UBE2E2: variants seen among roughly 807,000 people sequenced by gnomAD.
UBE2E2 encodes the protein ubiquitin conjugating enzyme E2 E2, also known as ubiquitin-conjugating enzyme E2 E2.
UBE2E2 carries 6 observed loss-of-function variants against 24.7 expected under a neutral mutation model. That is an observed-to-expected ratio of 0.24 (90% CI 0.13 to 0.48). The LOEUF (loss-of-function observed/expected upper bound fraction) is 0.48, where lower values mean the gene tolerates loss of function less well. UBE2E2 is among the 20% of genes least tolerant of loss of function. The pLI is 0.99. For missense variants in UBE2E2, 169 were observed against 245.0 expected, an observed-to-expected ratio of 0.69 and a Z score of 2.07; for synonymous variants, 104 against 83.6, an observed-to-expected ratio of 1.24 and a Z score of -1.33.
At chr3:23,439,806 G>A (rs1169773176) in intron 3 of UBE2E2, among the ~76,000 whole-genome samples, 1 of 152,102 alleles carries the variant, frequency 6.6e-6, no homozygotes, top group Non-Finnish European at 1.5e-5. Flanking sequence ...CAATCCAGAT[G>A]TATAACTAAA....
chr3:23,368,980 G>A (rs1696331444), intron 3 of UBE2E2, among the ~76,000 whole-genome samples: 1 of 152,134 alleles, frequency 6.6e-6, no homozygotes, highest in African/African-American at 2.4e-5. Flanking sequence ...TCAGGTTGCA[G>A]CTTTGGTATG....
At chr3:23,500,175 A>G (rs185380527) in intron 4 of UBE2E2, among the ~76,000 whole-genome samples, 1 of 152,332 alleles carries the variant, frequency 6.6e-6, no homozygotes, top group African/African-American at 2.4e-5. Flanking sequence ...AGCACCAGCT[A>G]TGGAGGTTTG....
chr3:23,228,684 A>T (rs1302501782), intron 3 of UBE2E2, among the ~76,000 whole-genome samples: 1 of 152,214 alleles, frequency 6.6e-6, no homozygotes, highest in Non-Finnish European at 1.5e-5. Flanking sequence ...ATAAATGTTC[A>T]TTTAGAACTG....
intron 3 of UBE2E2, among the ~76,000 whole-genome samples, chr3:23,269,975 C>G (rs973196738): frequency 6.6e-6 from 1 of 152,090 alleles, no homozygotes; most frequent in African/African-American, 2.4e-5. Flanking sequence ...CCTTGAAAAT[C>G]TTGGTTTAGA....
At chr3:23,290,191 G>A (rs1698725373) in intron 3 of UBE2E2, among the ~76,000 whole-genome samples, 1 of 152,194 alleles carries the variant, frequency 6.6e-6, no homozygotes, top group African/African-American at 2.4e-5. Flanking sequence ...AGTTAGATTG[G>A]TAACTATGAG....
chr3:23,534,415 A>G (rs1004708860), intron 5 of UBE2E2: 7 of 168,296 alleles, frequency 4.2e-5, no homozygotes, highest in Non-Finnish European at 7.2e-5. Flanking sequence ...AGAACCACAT[A>G]AGTAAAAGAA....
intron 4 of UBE2E2, among the ~76,000 whole-genome samples, chr3:23,510,040 G>A (rs1694555204): frequency 6.6e-6 from 1 of 152,162 alleles, no homozygotes; most frequent in African/African-American, 2.4e-5. Flanking sequence ...ATAAACATAC[G>A]ATTTTTTCTT....
intron 3 of UBE2E2, among the ~76,000 whole-genome samples, chr3:23,412,208 G>A (rs997644529): frequency 2.0e-5 from 3 of 152,072 alleles, no homozygotes; most frequent in Non-Finnish European, 2.9e-5. Context: ...GACCATAGTC[G>A]ATGAAATGCA....
chr3:23,513,291 G>A (rs1694649843), intron 4 of UBE2E2, among the ~76,000 whole-genome samples: 1 of 152,114 alleles, frequency 6.6e-6, no homozygotes, highest in Non-Finnish European at 1.5e-5. Flanking sequence ...AAGGTATGCA[G>A]TCCTCCTCAT....
intron 3 of UBE2E2, among the ~76,000 whole-genome samples, chr3:23,266,735 A>T (rs1032768136): frequency 6.6e-6 from 1 of 152,182 alleles, no homozygotes; most frequent in African/African-American, 2.4e-5. Flanking sequence ...CTCCACCCCA[A>T]ATCAACAGAA....
At chr3:23,482,954 TAA>T (rs1699288220) in intron 3 of UBE2E2, among the ~76,000 whole-genome samples, 1 of 152,242 alleles carries the variant, frequency 6.6e-6, no homozygotes, top group Non-Finnish European at 1.5e-5. Flanking sequence ...GTTTAATTGC[TAA>T]GTGTTTAGGA....
intron 3 of UBE2E2, among the ~76,000 whole-genome samples, chr3:23,309,199 T>C (rs1699312186): frequency 6.6e-6 from 1 of 152,154 alleles, no homozygotes; most frequent in Non-Finnish European, 1.5e-5. Flanking sequence ...GGCTGGTCTC[T>C]AACTCCAGGC....
intron 3 of UBE2E2, among the ~76,000 whole-genome samples, chr3:23,285,647 A>G (rs1397881908): frequency 6.6e-6 from 1 of 152,128 alleles, no homozygotes; most frequent in East Asian, 1.9e-4. Flanking sequence ...ACTCTTTCAT[A>G]TGGCTGTTTG....
chr3:23,558,481 G>A (rs1695843196), intron 5 of UBE2E2, among the ~76,000 whole-genome samples: 1 of 152,110 alleles, frequency 6.6e-6, no homozygotes, highest in African/African-American at 2.4e-5. Flanking sequence ...AATGAATTCA[G>A]ATTATGACGT....
At position 23,352,118 on chromosome 3, in the gene UBE2E2, T is replaced by C. The variant is rs374116445; in HGVS notation, c.227+134806T>C. On this transcript the variant is annotated intron_variant, in intron 3 of 5. Transcript: ENST00000396703. ...GCAACTACATGGAAACTGAACATCC[T>C]GCTCCTGAATGACTACTGGGTACAT... Among the ~76,000 whole-genome samples the C allele has an allele frequency of 3.9e-5, 6 of 152,278 alleles. No individual in the cohort carries two copies. The East Asian group carries it at 5.8e-4, about 15-fold the overall frequency.
At chr3:23,260,024 A>G (rs1287455306) in intron 3 of UBE2E2, among the ~76,000 whole-genome samples, 1 of 152,198 alleles carries the variant, frequency 6.6e-6, no homozygotes, top group Admixed American at 6.5e-5. Context: ...TGTGATTTAA[A>G]ATAGAGTTTA....
At chr3:23,334,882 C>T (rs2125304587) in intron 3 of UBE2E2, among the ~76,000 whole-genome samples, 1 of 152,258 alleles carries the variant, frequency 6.6e-6, no homozygotes, top group East Asian at 1.9e-4. Flanking sequence ...TCCAGAATAG[C>T]TGTCTGTTCT....
chr3:23,321,888 A>C (rs1694747853), intron 3 of UBE2E2, among the ~76,000 whole-genome samples: 1 of 151,786 alleles, frequency 6.6e-6, no homozygotes, highest in Non-Finnish European at 1.5e-5. Flanking sequence ...ACCACCTTCC[A>C]GTGTAGAGAT....
chr3:23,516,191 A>G (rs1694736947), intron 4 of UBE2E2, among the ~76,000 whole-genome samples: 1 of 152,202 alleles, frequency 6.6e-6, no homozygotes, highest in Non-Finnish European at 1.5e-5. Flanking sequence ...TTTTTCCCTC[A>G]AAAGATTGTG....
Sources: gnomAD v4.1 joint callset for allele counts (sites outside exome capture counted in the v4.1 genomes callset) on GRCh38, gnomAD v4.1.1 for gene constraint, MANE v1.5 for transcripts, NCBI Gene and HGNC (gene_info 2026-07-23, HGNC 2026-07-21) for gene names.